C3orf33: variants seen among roughly 807,000 people sequenced by gnomAD.
C3orf33 encodes mitochondrial inner membrane subdomain organizer 1, also known as AP-1 activity suppressor.
C3orf33 carries 23 observed loss-of-function variants against 28.7 expected under a neutral mutation model. The observed-to-expected ratio is 0.80, with a 90% CI of 0.58 to 1.13. The LOEUF (loss-of-function observed/expected upper bound fraction) is 1.13. C3orf33 is among the 50% of genes most tolerant of loss of function. C3orf33 has a pLI of 0.00. For missense variants in C3orf33, 327 were observed against 353.4 expected, an observed-to-expected ratio of 0.93 and a Z score of 0.60; for synonymous variants, 119 against 120.5, an observed-to-expected ratio of 0.99 and a Z score of 0.08.
chr3:155,770,116 T>C (rs1292603231), intron 3 of C3orf33, among the ~76,000 whole-genome samples: 1 of 152,016 alleles, frequency 6.6e-6, no homozygotes, highest in Non-Finnish European at 1.5e-5. Context: ...GTGGCGGGGG[T>C]TGGGTTGCAC....
intron 2 of C3orf33, among the ~76,000 whole-genome samples, chr3:155,783,467 A>T (rs1307310575): frequency 4.2e-4 from 57 of 134,182 alleles, no homozygotes; most frequent in African/African-American, 1.4e-3. Context: ...CCTGTACTAC[A>T]TTTTTTTTTT....
At chr3:155,768,132 G>C (rs1415103955) in intron 3 of C3orf33, among the ~76,000 whole-genome samples, 4 of 152,008 alleles carry the variant, frequency 2.6e-5, no homozygotes, top group African/African-American at 9.7e-5. Context: ...CACCCACCTC[G>C]GCCTCCCAAA....
At chr3:155,777,889 T>TA (rs1170189077) in intron 2 of C3orf33, among the ~76,000 whole-genome samples, 1 of 152,158 alleles carries the variant, frequency 6.6e-6, no homozygotes, top group Non-Finnish European at 1.5e-5. Flanking sequence ...CGATGGTTCA[T>TA]ACCTGTAATC....
chr3:155,797,607 G>A (rs1043084862), intron 2 of C3orf33, among the ~76,000 whole-genome samples: 1 of 152,194 alleles, frequency 6.6e-6, no homozygotes, highest in Non-Finnish European at 1.5e-5. Context: ...ATTCAGTACA[G>A]TTGCAGGATA....
intron 2 of C3orf33, among the ~76,000 whole-genome samples, chr3:155,776,435 C>T (rs1049296496): frequency 7.9e-5 from 12 of 152,194 alleles, no homozygotes; most frequent in East Asian, 5.8e-4. Flanking sequence ...ATTTTTTCCA[C>T]GTTAACAATA....
At chr3:155,805,641 C>A (rs1444702446) in intron 1 of C3orf33, 2 of 454,782 alleles carry the variant, frequency 4.4e-6, no homozygotes, top group Non-Finnish European at 8.8e-6. Flanking sequence ...AGGATCTTTT[C>A]GGCCGAAGTG....
chr3:155,793,896 CAT>C lies in C3orf33; in HGVS notation c.174+8634_174+8635del, dbSNP rs757806749. ...CAGTATAATAAGATATAAATAGAGA[CAT>C]AAAGTTTAAAAGTCAGAGACAAAGT... On this transcript the variant is annotated intron_variant, in intron 2 of 4. Transcript: ENST00000340171. Among the ~76,000 whole-genome samples, 121 of 147,972 alleles carry C rather than the reference CAT, an allele frequency of 8.2e-4. 1 individual carries two copies. Among genetic ancestry groups the C allele is most frequent in the Middle Eastern group, 3.7e-3 (1 of 272 alleles).
At chr3:155,793,512 G>A (rs1327868081) in intron 2 of C3orf33, among the ~76,000 whole-genome samples, 1 of 151,966 alleles carries the variant, frequency 6.6e-6, no homozygotes, top group East Asian at 1.9e-4. Context: ...GTAAACTACT[G>A]TATCTTGAGT....
At chr3:155,774,547 G>A (rs536758642) in intron 3 of C3orf33, among the ~76,000 whole-genome samples, 27 of 152,088 alleles carry the variant, frequency 1.8e-4, no homozygotes, top group Non-Finnish European at 2.9e-4. Context: ...CAGGAAAGTG[G>A]CATCTTACAC....
At chr3:155,792,610 C>T (rs1448966359) in intron 2 of C3orf33, among the ~76,000 whole-genome samples, 1 of 151,994 alleles carries the variant, frequency 6.6e-6, no homozygotes, top group Admixed American at 6.6e-5. Context: ...AACTCAGAAT[C>T]CTACCAGATA....
chr3:155,790,088 C>T (rs759268590), intron 2 of C3orf33, among the ~76,000 whole-genome samples: 4 of 146,870 alleles, frequency 2.7e-5, no homozygotes, highest in Non-Finnish European at 4.4e-5. Context: ...CACTTGAACC[C>T]GGGAGGCAGA....
chr3:155,785,855 A>T (rs1487764941), intron 2 of C3orf33, among the ~76,000 whole-genome samples: 1 of 152,148 alleles, frequency 6.6e-6, no homozygotes, highest in African/African-American at 2.4e-5. Context: ...TCTGGGCAAC[A>T]TGCCAAAACC....
chr3:155,763,915 C>T lies in C3orf33; in HGVS notation c.487G>A (p.Gly163Arg), dbSNP rs374247931. 352 of 1,430,762 alleles carry T rather than the reference C, an allele frequency of 2.5e-4. 1 individual carries two copies. The Middle Eastern group carries it at 5.9e-3, about 24-fold the overall frequency. 88.6% of individuals were successfully genotyped at this position (1,430,762 alleles called of 1,614,324 possible). Residue 163 changes from glycine to arginine, a missense_variant, in exon 5 of 5, where the codon GGA becomes AGA. Physicochemically the swap from Gly to Arg is moderately radical, Grantham distance 125. Coordinates refer to ENST00000340171, the MANE Select transcript of C3orf33 (RefSeq NM_001308229.2). The stretch of plus-strand genomic sequence containing the variant: ...TCATTCAGATTCACGCTGAAATATC[C>T]ACCCTTGAATTTAAAAATAATACAA... ...LFCYLLVSKG[G>R]YFSVNLNEEI...
chr3:155,805,171 A>G (rs1001168810), intron 1 of C3orf33, among the ~76,000 whole-genome samples: 15 of 150,646 alleles, frequency 1.0e-4, no homozygotes, highest in African/African-American at 3.4e-4. Flanking sequence ...AAAAAAAAAA[A>G]AAAAAAAAGG....
chr3:155,781,098 C>T (rs1192722686), intron 2 of C3orf33, among the ~76,000 whole-genome samples: 5 of 150,650 alleles, frequency 3.3e-5, no homozygotes, highest in South Asian at 2.1e-4. Context: ...CCCGGGTTCA[C>T]GCCATTCTCC....
intron 2 of C3orf33, among the ~76,000 whole-genome samples, chr3:155,779,357 T>C (rs1378015479): frequency 6.6e-6 from 1 of 152,114 alleles, no homozygotes; most frequent in East Asian, 1.9e-4. Flanking sequence ...TGCAGTGGCA[T>C]GATCTCGGCT....
intron 1 of C3orf33, chr3:155,805,702 G>A: frequency 2.2e-6 from 1 of 455,602 alleles, no homozygotes; most frequent in Non-Finnish European, 4.4e-6. Context: ...TCCAGCTTGG[G>A]CCAGAGAGGA....
chr3:155,803,141 T>A lies in C3orf33; in HGVS notation c.115-550A>T, dbSNP rs186531867. Among the ~76,000 whole-genome samples the A allele has an allele frequency of 3.2e-4, 49 of 152,324 alleles. No homozygotes were observed. The East Asian group carries it at 8.7e-3, about 27-fold the overall frequency. Reference sequence around the variant, plus strand: ...TAAATGGCTAGGGAATATTAAGCGATGTTTTTAAAGTGTTTCATTTAAACT... The same window carrying A: ...TAAATGGCTAGGGAATATTAAGCGAAGTTTTTAAAGTGTTTCATTTAAACT... On this transcript the variant is annotated intron_variant, in intron 1 of 4. Coordinates refer to ENST00000340171, the MANE Select transcript of C3orf33 (RefSeq NM_001308229.2).
chr3:155,788,185 C>T (rs561595721), intron 2 of C3orf33, among the ~76,000 whole-genome samples: 105 of 130,438 alleles, frequency 8.0e-4, no homozygotes, highest in Non-Finnish European at 1.4e-3. Flanking sequence ...AGCGAGACTC[C>T]GTCTCAAAAA....
Sources: gnomAD v4.1 joint callset for allele counts (sites outside exome capture counted in the v4.1 genomes callset) on GRCh38, gnomAD v4.1.1 for gene constraint, MANE v1.5 for transcripts, NCBI Gene and HGNC (gene_info 2026-07-23, HGNC 2026-07-21) for gene names.